Variants in EMG1 observed in about 807,000 individuals in gnomAD.
EMG1 encodes the protein EMG1 N1-specific pseudouridine methyltransferase, also known as ribosomal RNA small subunit methyltransferase NEP1.
Under a neutral mutation model 26.9 loss-of-function variants are expected in EMG1, and 24 were observed. The observed-to-expected ratio is 0.89, with a 90% confidence interval of 0.65 to 1.26. The LOEUF (loss-of-function observed/expected upper bound fraction) is 1.26. Ranked by LOEUF, EMG1 falls within the 50% of genes most tolerant of loss-of-function variation. The pLI, the probability that EMG1 is intolerant of heterozygous loss-of-function variation, is 0.00. For synonymous variants in EMG1, 140 were observed against 112.6 expected (o/e 1.24, Z -1.54); for missense variants, 299 against 307.6 (o/e 0.97, Z 0.21).
exon 8 of EMG1, chr12:6,997,369 A>G (rs1246224646): frequency 1.5e-5 from 2 of 137,588 alleles, no homozygotes; most frequent in Non-Finnish European, 3.0e-5. Context: ...CCCCAAAACA[A>G]CAGCAAATTA....
chr12:6,978,852 G>T lies in EMG1; in HGVS notation c.*3043G>T. On this transcript the variant is annotated 3_prime_UTR_variant, in exon 6 of 6. Transcript: ENST00000599672. ...CCTGATTGCCTTCACAATAGGCAGA[G>T]AGGAATAAGCAGAGGGCCTGGAGAA... The T allele has an allele frequency of 1.1e-6, 1 of 948,344 alleles. No homozygotes were observed. The highest frequency in any genetic ancestry group is 1.5e-6 in the Non-Finnish European group (1 of 649,026). 58.7% of individuals were successfully genotyped at this position (948,344 alleles called of 1,614,324 possible). A position where few individuals can be genotyped will look rare whatever the true frequency, so the allele number is the denominator to read the frequency against.
At chr12:6,992,653 T>C (rs1555155621), downstream of EMG1, among the ~76,000 whole-genome samples, 1 of 152,250 alleles carries the variant, frequency 6.6e-6, no homozygotes, top group Non-Finnish European at 1.5e-5. Flanking sequence ...TTTTAATCTT[T>C]CATCTTCTAA....
downstream of EMG1, chr12:6,982,909 G>A: frequency 1.5e-6 from 1 of 675,202 alleles, no homozygotes; most frequent in Non-Finnish European, 2.7e-6. Context: ...ATAACCTCAT[G>A]TTTTGGAGGA....
In EMG1 at chr12:6,971,158, G is replaced by C. The variant is rs1946321068; in HGVS notation, c.168+67G>C. The C allele has an allele frequency of 2.2e-6, 3 of 1,351,338 alleles. No homozygotes were observed. The South Asian group carries it at 3.7e-5, about 17-fold the overall frequency. 83.7% of individuals were successfully genotyped at this position (1,351,338 alleles called of 1,614,324 possible). ...TTGGGACTCCGTGGAATGAGGGTAA[G>C]GGGCCCAGAGTGGATGTAGAAAGCA... On this transcript the variant is annotated intron_variant, in intron 1 of 5. Coordinates refer to ENST00000599672, the MANE Select transcript of EMG1 (RefSeq NM_006331.8).
Position 6,974,546 on chromosome 12 carries a change from G to T in EMG1, c.271-6G>T. On this transcript the variant is annotated splice_region_variant and splice_polypyrimidine_tract_variant and intron_variant, in intron 2 of 5. Transcript: ENST00000599672. ...TTAACCATGTCTCGGTTTCTGCTTTGCTCAGAGTTTGCTGATGCTGATGGA... is the reference window on the plus strand; with the variant it reads ...TTAACCATGTCTCGGTTTCTGCTTTTCTCAGAGTTTGCTGATGCTGATGGA... The T allele has an allele frequency of 6.2e-7, 1 of 1,613,114 alleles. No homozygotes were observed. The highest frequency in any genetic ancestry group is 8.5e-7 in the Non-Finnish European group (1 of 1,179,120).
At chr12:6,984,869 G>A (rs1946505492), downstream of EMG1, among the ~76,000 whole-genome samples, 1 of 152,170 alleles carries the variant, frequency 6.6e-6, no homozygotes, top group Non-Finnish European at 1.5e-5. Context: ...ACAGGCGTGA[G>A]TCACTGTGCC....
At chr12:6,974,177 C>T (rs1307211254) in intron 1 of EMG1, among the ~76,000 whole-genome samples, 162 bp from the exon 2 acceptor site, 2 of 152,206 alleles carry the variant, frequency 1.3e-5, no homozygotes, top group Non-Finnish European at 2.9e-5. Context: ...GGGCTCCACC[C>T]CCAGTGTTCC....
chr12:6,972,072 T>C (rs1220151016), intron 1 of EMG1, among the ~76,000 whole-genome samples: 1 of 149,114 alleles, frequency 6.7e-6, no homozygotes, highest in South Asian at 2.1e-4. Context: ...TACACTTTTT[T>C]TTTTTTTTTT....
downstream of EMG1, chr12:6,983,486 G>A (rs185620035): frequency 6.2e-7 from 1 of 1,613,282 alleles, no homozygotes; most frequent in East Asian, 2.2e-5. Context: ...AGGTGGATGA[G>A]GTAGGTCTCC....
At chr12:6,991,984 G>C (rs1229689864), downstream of EMG1, among the ~76,000 whole-genome samples, 3 of 151,940 alleles carry the variant, frequency 2.0e-5, no homozygotes, top group Admixed American at 6.6e-5. Flanking sequence ...TTTAGGTCAG[G>C]AGTTCCAGAC....
Position 6,978,729 on chromosome 12 carries a change from G to T in EMG1, c.*2920G>T. The T allele has an allele frequency of 6.2e-7, 1 of 1,608,932 alleles. No individual in the cohort carries two copies. Among genetic ancestry groups the T allele is most frequent in the South Asian group, 1.1e-5 (1 of 90,150 alleles). ...GCACAGTGCATTAGGGATATCACAT[G>T]ACTAGGCAGTTTCTCTCAGCACTCT... On this transcript the variant is annotated 3_prime_UTR_variant, in exon 6 of 6. Transcript: ENST00000599672.
rs1555152065 is a variant in EMG1 at position 6,970,941 on chromosome 12, T to C, written c.18T>C (p.Asp6=). The C allele has an allele frequency of 5.0e-6, 8 of 1,613,138 alleles. No homozygotes were observed. The highest frequency in any genetic ancestry group is 4.4e-5 in the South Asian group (4 of 90,876). Residue 6 remains aspartate, a synonymous_variant, in exon 1 of 6, where the codon GAT becomes GAC. Transcript: ENST00000599672. ...GTTGCAAGATGGCCGCGCCCAGTGATGGATTCAAGCCTCGTGAACGAAGCG... is the reference window on the plus strand; with the variant it reads ...GTTGCAAGATGGCCGCGCCCAGTGACGGATTCAAGCCTCGTGAACGAAGCG... MAAPS[D]GFKPRERSGG... is the part of the protein sequence containing the mutation.
chr12:6,985,077 T>C (rs1194375030), intron 6 of EMG1, among the ~76,000 whole-genome samples: 4 of 138,354 alleles, frequency 2.9e-5, no homozygotes, highest in African/African-American at 8.1e-5. Flanking sequence ...TAGTCATTTT[T>C]CCCCCATACA....
chr12:6,973,886 T>C (rs1946362015), intron 1 of EMG1, among the ~76,000 whole-genome samples: 1 of 152,208 alleles, frequency 6.6e-6, no homozygotes, highest in South Asian at 2.1e-4. Context: ...TTAGTGCATG[T>C]TTGGTGTACG....
intron 1 of EMG1, among the ~76,000 whole-genome samples, chr12:6,973,634 C>T (rs1555152572): frequency 6.6e-6 from 1 of 152,208 alleles, no homozygotes; most frequent in Non-Finnish European, 1.5e-5. Context: ...GCTCCGCCTC[C>T]TGGGTTCATG....
chr12:6,995,495 T>C (rs1357354574), intron 7 of EMG1, among the ~76,000 whole-genome samples: 1 of 151,860 alleles, frequency 6.6e-6, no homozygotes, highest in East Asian at 1.9e-4. Context: ...AAAAGTGTTT[T>C]CCTTCTTCAT....
downstream of EMG1, chr12:6,981,721 C>CG (rs1203823818): frequency 2.7e-5 from 4 of 147,260 alleles, no homozygotes; most frequent in South Asian, 4.9e-5. Context: ...AAGTGTATGG[C>CG]GGGGGGCGGA....
chr12:6,985,771 G>GT (rs1220627223), intron 6 of EMG1, among the ~76,000 whole-genome samples: 6,837 of 135,554 alleles, frequency 0.05, 466 homozygotes, highest in African/African-American at 0.15. Flanking sequence ...ATCAACTGGT[G>GT]TTTTTTTTTT....
At chr12:6,994,291 T>C (rs1029566107) in intron 7 of EMG1, among the ~76,000 whole-genome samples, 2 of 152,182 alleles carry the variant, frequency 1.3e-5, no homozygotes, top group Admixed American at 1.3e-4. Context: ...CACGGCAACC[T>C]CCGCTTCCCA....
Sources: gnomAD v4.1 joint callset for allele counts (sites outside exome capture counted in the v4.1 genomes callset) on GRCh38, gnomAD v4.1.1 for gene constraint, MANE v1.5 for transcripts, NCBI Gene and HGNC (gene_info 2026-07-23, HGNC 2026-07-21) for gene names.